PCDHGB4: variants seen among roughly 807,000 people sequenced by gnomAD.
PCDHGB4 encodes the protein protocadherin gamma-B4.
Under a neutral mutation model 60.5 loss-of-function variants are expected in PCDHGB4, and 38 were observed. That is an observed-to-expected ratio of 0.63 (90% confidence interval 0.48 to 0.82). PCDHGB4 has a LOEUF of 0.82. PCDHGB4 is among the 40% of genes least tolerant of loss of function. The probability of loss-of-function intolerance (pLI) is 0.00; values close to 1 mark genes in which losing one functional copy is unlikely to be tolerated. For synonymous variants in PCDHGB4, 456 were observed against 509.7 expected (o/e 0.89, Z 1.42); for missense variants, 1,109 against 1,209.6 (o/e 0.92, Z 1.23).
chr5:141,491,747 G>C lies in PCDHGB4; in HGVS notation c.2398-3060G>C. 6.3e-7 allele frequency: 1 copy of C among 1,591,872 alleles called. No homozygotes were observed. The highest frequency in any genetic ancestry group is 8.5e-7 in the Non-Finnish European group (1 of 1,170,328). ...CGGGCGACCCCTGGGGGCGGCACTG[G>C]AGAAGCCGCCCGTCCTCATAAGGGA... On this transcript the variant is annotated intron_variant, in intron 1 of 3. Transcript: ENST00000519479. This position sits in a 1 kb window ranked among gnomAD's most constrained non-coding sequence, Gnocchi z 6.9.
In PCDHGB4 at chr5:141,388,430, TAAAG is replaced by T. The variant is rs2091357990; in HGVS notation, c.548_551del (p.Lys183ArgfsTer13). Reference sequence around the variant, plus strand: ...CCAGTGATCATTTCTCACTGATAAATAAAGAGAAATCAGATGGCAGTAAATACCC... The same window carrying T: ...CCAGTGATCATTTCTCACTGATAAATAGAAATCAGATGGCAGTAAATACCC... On this transcript the variant is annotated frameshift_variant, in exon 1 of 4. Transcript: ENST00000519479. LOFTEE classifies it high-confidence loss of function. 6.2e-7 allele frequency: 1 copy of T among 1,613,634 alleles called. No individual in the cohort carries two copies. Among genetic ancestry groups the T allele is most frequent in the South Asian group, 1.1e-5 (1 of 91,084 alleles).
In PCDHGB4 at chr5:141,491,921, A is replaced by T; in HGVS notation, c.2398-2886A>T. ...CCGGGGGTGGTGGCGACTGTGGGCG[A>T]GGGGAGGTGGGACCGACCCCCACCC... On this transcript the variant is annotated intron_variant, in intron 1 of 3. Coordinates refer to ENST00000519479, the MANE Select transcript of PCDHGB4 (RefSeq NM_003736.4). The surrounding 1 kb of genome is among the most constrained non-coding windows in gnomAD (Gnocchi z 6.9). The T allele has an allele frequency of 1.5e-6, 2 of 1,353,738 alleles. No homozygotes were observed. Among genetic ancestry groups the T allele is most frequent in the Non-Finnish European group, 2.0e-6 (2 of 1,013,388 alleles). 83.9% of individuals were successfully genotyped at this position (1,353,738 alleles called of 1,614,324 possible). A position where few individuals can be genotyped will look rare whatever the true frequency, so the allele number is the denominator to read the frequency against.
chr5:141,465,893 C>A (rs926928579), intron 1 of PCDHGB4, among the ~76,000 whole-genome samples: 1 of 151,962 alleles, frequency 6.6e-6, no homozygotes, highest in Non-Finnish European at 1.5e-5. Context: ...GAGGCCGAGG[C>A]GGGCAAATCA....
rs1178101439 is a variant in PCDHGB4, at chr5:141,443,790, T to C, written c.2398-51017T>C. On this transcript the variant is annotated intron_variant, in intron 1 of 3. Coordinates refer to ENST00000519479, the MANE Select transcript of PCDHGB4 (RefSeq NM_003736.4). Reference sequence around the variant, plus strand: ...AATATTACCAAAAAGACAAAAAAAATGAAAAGGAAACAGTTACCTTTGGAA... The same window carrying C: ...AATATTACCAAAAAGACAAAAAAAACGAAAAGGAAACAGTTACCTTTGGAA... Among the ~76,000 whole-genome samples, 6 of 151,950 alleles carry C rather than the reference T, an allele frequency of 3.9e-5. No homozygotes were observed. The East Asian group carries it at 1.2e-3, about 29-fold the overall frequency.
chr5:141,419,589 C>T (rs1187251820), intron 1 of PCDHGB4: 1 of 1,611,856 alleles, frequency 6.2e-7, no homozygotes, highest in Non-Finnish European at 8.5e-7. Flanking sequence ...CTCTTCGACA[C>T]AGTGCCGCGG....
intron 1 of PCDHGB4, chr5:141,410,816 A>G (rs2095424614): frequency 1.8e-6 from 1 of 550,516 alleles, no homozygotes; most frequent in African/African-American, 2.1e-5. Flanking sequence ...TTTGTAAAAT[A>G]ATGTCACCAG....
At chr5:141,410,337 C>T (rs1196366344) in intron 1 of PCDHGB4, 1 of 1,613,930 alleles carries the variant, frequency 6.2e-7, no homozygotes, top group Non-Finnish European at 8.5e-7. Context: ...CTGGCCATTG[C>T]CTTGCGCCTG....
intron 1 of PCDHGB4, among the ~76,000 whole-genome samples, chr5:141,455,172 G>GT (rs1344126228): frequency 3.3e-5 from 5 of 150,340 alleles, no homozygotes; most frequent in South Asian, 4.2e-4. Context: ...TTTTTTTTTA[G>GT]TTTTTTTATT....
chr5:141,433,093 G>A (rs1203083573), intron 1 of PCDHGB4: 4 of 1,614,206 alleles, frequency 2.5e-6, no homozygotes, highest in Admixed American at 1.7e-5. Flanking sequence ...ATGCAGACAT[G>A]CTCGTCAGCC....
At chr5:141,409,435 C>T in intron 1 of PCDHGB4, 2 of 1,613,994 alleles carry the variant, frequency 1.2e-6, no homozygotes, top group Non-Finnish European at 1.7e-6. Context: ...GAGCCCTGGA[C>T]CGAGAGCAGA....
chr5:141,434,509 T>C (rs1480014539), intron 1 of PCDHGB4, among the ~76,000 whole-genome samples: 3 of 152,232 alleles, frequency 2.0e-5, no homozygotes, highest in Non-Finnish European at 4.4e-5. Context: ...AGAAAACTGC[T>C]TAAAGGTGTT....
intron 1 of PCDHGB4, chr5:141,410,439 G>A (rs775594110): frequency 3.1e-6 from 5 of 1,614,006 alleles, no homozygotes; most frequent in Admixed American, 3.3e-5. Context: ...TACAGTGAGG[G>A]GACTTTGCCT....
chr5:141,404,124 C>A, intron 1 of PCDHGB4: 1 of 1,613,272 alleles, frequency 6.2e-7, no homozygotes, highest in Non-Finnish European at 8.5e-7. Context: ...GAGAATCTAT[C>A]TTTTACATTA....
At chr5:141,505,296 G>A (rs1174492966) in intron 2 of PCDHGB4, 97 bp from the exon 3 acceptor site, 1 of 1,584,850 alleles carries the variant, frequency 6.3e-7, no homozygotes, top group Non-Finnish European at 8.6e-7. Context: ...ATGGGGTAGG[G>A]TTAGGGTACT....
At position 141,485,325 on chromosome 5, in the gene PCDHGB4, A is replaced by T; in HGVS notation, c.2398-9482A>T. 6.2e-7 allele frequency: 1 copy of T among 1,614,078 alleles called. No homozygotes were observed. Among genetic ancestry groups the T allele is most frequent in the Non-Finnish European group, 8.5e-7 (1 of 1,180,014 alleles). ...ACTTTTGTAGGGAATGTCGCTCAAG[A>T]TTTCCTGCTGGATACGGACAGTCTG... is the stretch of plus-strand genomic sequence containing the variant. On this transcript the variant is annotated intron_variant, in intron 1 of 3. Coordinates refer to ENST00000519479, the MANE Select transcript of PCDHGB4 (RefSeq NM_003736.4). This position sits in a 1 kb window ranked among gnomAD's most constrained non-coding sequence, Gnocchi z 5.7.
chr5:141,393,586 G>A lies in PCDHGB4; in HGVS notation c.2397+3305G>A, dbSNP rs1486061309. 2 of 1,613,922 alleles carry A rather than the reference G, an allele frequency of 1.2e-6. No individual in the cohort carries two copies. Among genetic ancestry groups the A allele is most frequent in the Admixed American group, 3.3e-5 (2 of 60,028 alleles). ...AAAGTCCTTGAGAACATGCCCCCAGGCACGCGGCTGCTTACTGTAACAGCC... is the reference window on the plus strand; with the variant it reads ...AAAGTCCTTGAGAACATGCCCCCAGACACGCGGCTGCTTACTGTAACAGCC... On this transcript the variant is annotated intron_variant, in intron 1 of 3. Transcript: ENST00000519479.
In PCDHGB4 at chr5:141,477,531, C is replaced by T. The variant is rs1316982512; in HGVS notation, c.2398-17276C>T. 5 of 1,614,162 alleles carry T rather than the reference C, an allele frequency of 3.1e-6. No homozygotes were observed. Among genetic ancestry groups the T allele is most frequent in the Middle Eastern group, 1.6e-4 (1 of 6,062 alleles). On this transcript the variant is annotated intron_variant, in intron 1 of 3. Transcript: ENST00000519479. This position sits in a 1 kb window ranked among gnomAD's most constrained non-coding sequence, Gnocchi z 4.9. ...GTTTACATTGAAGAAAACAACCTCC[C>T]CGGGGCTCCAATACTAAACCTAAGT... is the stretch of plus-strand genomic sequence containing the variant.
intron 1 of PCDHGB4, chr5:141,478,592 TC>T: frequency 6.4e-7 from 1 of 1,570,334 alleles, no homozygotes; most frequent in Non-Finnish European, 8.6e-7. Flanking sequence ...GCTTTTTTAT[TC>T]CTACATCATA....
intron 1 of PCDHGB4, chr5:141,423,800 T>C: frequency 1.6e-5 from 14 of 895,104 alleles, no homozygotes; most frequent in East Asian, 1.3e-4. Context: ...TTTAGAGCAA[T>C]ACATGTGAGT....
Sources: allele counts gnomAD v4.1 joint callset (sites outside exome capture counted in the v4.1 genomes callset), GRCh38; gene constraint gnomAD v4.1.1; non-coding constraint Gnocchi (gnomAD v3.1); transcripts MANE v1.5; gene names NCBI Gene and HGNC (gene_info 2026-07-23, HGNC 2026-07-21).